Variants in MBOAT2 observed in about 807,000 individuals in gnomAD.
The protein encoded by MBOAT2 is membrane bound glycerophospholipid O-acyltransferase 2.
In MBOAT2, 28 loss-of-function variants were observed where a neutral mutation model predicts 63.4. The observed-to-expected ratio is 0.44, with a 90% CI of 0.33 to 0.61. The LOEUF (loss-of-function observed/expected upper bound fraction) is 0.61. Among genes scored for constraint, MBOAT2 ranks in the 20% least tolerant of loss-of-function variants. MBOAT2 has a pLI of 0.03. For missense variants in MBOAT2, 470 were observed against 605.8 expected (o/e 0.78, Z 2.35); for synonymous variants, 211 against 215.6 (o/e 0.98, Z 0.19).
Position 8,971,135 on chromosome 2 carries a change from G to T in MBOAT2, c.76-12493C>A, listed in dbSNP as rs182717522. 5.3e-5 allele frequency among the ~76,000 whole-genome samples: 8 copies of T among 152,302 alleles called. No homozygotes were observed. The East Asian group carries it at 1.5e-3, about 29-fold the overall frequency. Reference sequence around the variant, plus strand: ...ATCCTCAGTAAAATACTGGCAAACCGAATCCAGCAGCACACCAAAAAGCTT... The same window carrying T: ...ATCCTCAGTAAAATACTGGCAAACCTAATCCAGCAGCACACCAAAAAGCTT... On this transcript the variant is annotated intron_variant, in intron 1 of 12. Transcript: ENST00000305997.
intron 2 of MBOAT2, among the ~76,000 whole-genome samples, chr2:8,945,612 G>GT (rs1370203868): frequency 6.6e-5 from 10 of 152,136 alleles, no homozygotes; most frequent in Non-Finnish European, 1.3e-4. Context: ...AACTCACGTT[G>GT]TTTCGGGGCA....
chr2:8,975,509 G>A (rs1012446099), intron 1 of MBOAT2, among the ~76,000 whole-genome samples: 3 of 152,066 alleles, frequency 2.0e-5, no homozygotes, highest in South Asian at 2.1e-4. Flanking sequence ...GGATGAGCAC[G>A]TGGGGGCAAG....
intron 3 of MBOAT2, among the ~76,000 whole-genome samples, chr2:8,915,866 C>G (rs1251771660): frequency 2.0e-5 from 3 of 152,180 alleles, no homozygotes; most frequent in African/African-American, 7.2e-5. Flanking sequence ...AAGTGACTAT[C>G]CTTCTGCATC....
intron 8 of MBOAT2, among the ~76,000 whole-genome samples, chr2:8,869,719 T>C (rs1662175232): frequency 6.6e-6 from 1 of 152,170 alleles, no homozygotes; most frequent in African/African-American, 2.4e-5. Context: ...GCCTCTAAGG[T>C]AAGCCTGCTA....
At chr2:8,868,682 G>T in intron 8 of MBOAT2, 133 bp from the exon 9 acceptor site, 1 of 706,390 alleles carries the variant, frequency 1.4e-6, no homozygotes, top group Non-Finnish European at 2.3e-6. Context: ...TTTTAAGTCA[G>T]AAACAACATC....
chr2:8,888,840 C>A (rs1663763881), intron 4 of MBOAT2, among the ~76,000 whole-genome samples: 1 of 151,894 alleles, frequency 6.6e-6, no homozygotes, highest in Non-Finnish European at 1.5e-5. Context: ...CCACCCTGGT[C>A]AACACAGCAA....
intron 4 of MBOAT2, among the ~76,000 whole-genome samples, chr2:8,888,349 C>T (rs536645993): frequency 6.6e-6 from 1 of 152,200 alleles, no homozygotes; most frequent in Non-Finnish European, 1.5e-5. Context: ...ACCCAGTGAT[C>T]TAACCTGGCC....
At chr2:8,883,551 T>C (rs759759903) in intron 5 of MBOAT2, among the ~76,000 whole-genome samples, 8 of 152,340 alleles carry the variant, frequency 5.3e-5, no homozygotes, top group Non-Finnish European at 1.2e-4. Context: ...CAGGAACTAT[T>C]CTATGCACTG....
chr2:8,903,645 A>G (rs1261971218), intron 4 of MBOAT2, among the ~76,000 whole-genome samples: 3 of 152,280 alleles, frequency 2.0e-5, no homozygotes, highest in African/African-American at 4.8e-5. Context: ...AAATGTCCCA[A>G]TACAATTTAC....
intron 2 of MBOAT2, among the ~76,000 whole-genome samples, chr2:8,948,577 AGT>A (rs1668589129): frequency 6.6e-6 from 1 of 152,124 alleles, no homozygotes; most frequent in South Asian, 2.1e-4. Flanking sequence ...CCCACTTATA[AGT>A]GAGACCATGC....
rs910732079 is a variant in MBOAT2 at position 8,925,219 on chromosome 2, G to C, written c.300-16503C>G. Among the ~76,000 whole-genome samples the C allele has an allele frequency of 5.3e-5, 8 of 152,118 alleles. No homozygotes were observed. In the East Asian group the frequency reaches 1.5e-3, roughly 29 times the overall value. ...CCAAGATTAGAACCTATCACTGACT[G>C]TTCCTCAGGGGCCATATTTTAATAA... On this transcript the variant is annotated intron_variant, in intron 3 of 12. Transcript: ENST00000305997.
chr2:8,966,495 G>A (rs1669994074), intron 1 of MBOAT2, among the ~76,000 whole-genome samples: 2 of 152,162 alleles, frequency 1.3e-5, no homozygotes, highest in South Asian at 4.1e-4. Context: ...AGTCTGAAAT[G>A]AGACCTTGAA....
rs780896584 is a variant in MBOAT2, at chr2:8,868,507, T to C, written c.926A>G (p.Tyr309Cys). The stretch of plus-strand genomic sequence containing the variant: ...CCAGCGAGCTGCTCCATTTTCGTCA[T>C]ACCCTCTGAAACCAAAGCCTGCAGC... ...NNAAGFGFRG[Y>C]DENGAARWDL... Residue 309 changes from tyrosine (Y) to cysteine (C), a missense_variant, in exon 9 of 13, where the codon TAT becomes TGT. Around this residue, in one of 3 missense-constraint regions of MBOAT2, gnomAD observed 376 missense variants for 503.8 expected, o/e 0.75. Transcript: ENST00000305997. 7 of 1,614,100 alleles carry C rather than the reference T, an allele frequency of 4.3e-6. No individual in the cohort carries two copies. In the Middle Eastern group the frequency reaches 6.6e-4, roughly 152 times the overall value.
At chr2:8,887,980 AT>A in intron 5 of MBOAT2, 37 bp downstream of exon 5, 1 of 1,578,930 alleles carries the variant, frequency 6.3e-7, no homozygotes, top group Non-Finnish European at 8.7e-7. Flanking sequence ...TTGGAATTAA[AT>A]TTTTTCAGCA....
At chr2:8,887,967 T>A (rs369017931) in intron 5 of MBOAT2, 51 bp downstream of exon 5, 3 of 1,516,252 alleles carry the variant, frequency 2.0e-6, no homozygotes, top group South Asian at 1.1e-5. Context: ...AAGCAAAAGA[T>A]TATTGGAATT....
At chr2:8,937,277 C>T (rs1200688989) in intron 3 of MBOAT2, among the ~76,000 whole-genome samples, 1 of 152,136 alleles carries the variant, frequency 6.6e-6, no homozygotes, top group Non-Finnish European at 1.5e-5. Flanking sequence ...AGCAGGAGTT[C>T]GAGGGGGCTC....
chr2:8,956,868 C>T (rs1411515105), intron 2 of MBOAT2, among the ~76,000 whole-genome samples: 1 of 152,094 alleles, frequency 6.6e-6, no homozygotes, highest in Non-Finnish European at 1.5e-5. Flanking sequence ...AAAGAGATGC[C>T]TCCTCATCTT....
rs765143967 is a variant in MBOAT2 at position 8,856,387 on chromosome 2, T to C, written c.*2292A>G. ...TATTAAGCCTTCTTGTTTTCACTTA[T>C]GACATGCCTGAACCTGTCTTTTAAA... On this transcript the variant is annotated 3_prime_UTR_variant, in exon 13 of 13. Transcript: ENST00000305997. The surrounding 1 kb of genome is among the most constrained non-coding windows in gnomAD (Gnocchi z 4.2). The C allele has an allele frequency of 3.3e-5, 5 of 152,044 alleles. No homozygotes were observed. The highest frequency in any genetic ancestry group is 7.4e-5 in the Non-Finnish European group (5 of 67,990). 9.4% of individuals were successfully genotyped at this position (152,044 alleles called of 1,614,324 possible). A position where few individuals can be genotyped will look rare whatever the true frequency, so the allele number is the denominator to read the frequency against.
chr2:8,978,115 T>C lies in MBOAT2; in HGVS notation c.76-19473A>G, dbSNP rs575306284. On this transcript the variant is annotated intron_variant, in intron 1 of 12. Transcript: ENST00000305997. ...ACAGACTGCCATGATTAAAATAAAA[T>C]CTCCGCTCCTTACTCTGCCCTGAAA... Among the ~76,000 whole-genome samples, 9 of 152,082 alleles carry C rather than the reference T, an allele frequency of 5.9e-5. No homozygotes were observed. The East Asian group carries it at 1.7e-3, about 29-fold the overall frequency.
Sources: allele counts gnomAD v4.1 joint callset (sites outside exome capture counted in the v4.1 genomes callset), GRCh38; gene constraint gnomAD v4.1.1; regional missense constraint gnomAD v4.1.1; non-coding constraint Gnocchi (gnomAD v3.1); transcripts MANE v1.5; gene names NCBI Gene and HGNC (gene_info 2026-07-23, HGNC 2026-07-21).